CACNA1H: variants seen among roughly 807,000 people sequenced by gnomAD.
The protein encoded by CACNA1H is calcium voltage-gated channel subunit alpha1 H, also known as voltage-dependent T-type calcium channel subunit alpha-1H.
A neutral mutation model predicts 192.5 loss-of-function variants in CACNA1H; 149 were observed. That is an observed-to-expected ratio of 0.77 (90% CI 0.68 to 0.89). CACNA1H has a LOEUF of 0.89. Ranked by LOEUF, CACNA1H falls within the 40% of genes least tolerant of loss-of-function variation. CACNA1H has a pLI of 0.00. For missense variants in CACNA1H, 4,257 were observed against 3,423.5 expected (o/e 1.24, Z -6.08); for synonymous variants, 2,202 against 1,475.2 (o/e 1.49, Z -11.29).
At chr16:1,153,665 G>C in intron 1 of CACNA1H, 55 bp from the exon 2 acceptor site, 2 of 1,091,540 alleles carry the variant, frequency 1.8e-6, no homozygotes, top group South Asian at 9.3e-5. Flanking sequence ...CCGCGCCGCG[G>C]GAGGCAGGGC....
Position 1,205,821 on chromosome 16 carries a change from G to C in CACNA1H, c.2604-283G>C, listed in dbSNP as rs1029609838. ...TCTGGCTGTGGAAGGCCCAGGATAG[G>C]AGAGCGCCCTCGGCGAAGGAGCTTC... On this transcript the variant is annotated intron_variant, in intron 11 of 34. Transcript: ENST00000348261. 2.0e-5 allele frequency among the ~76,000 whole-genome samples: 3 copies of C among 152,190 alleles called. No homozygotes were observed. In the East Asian group the frequency reaches 5.8e-4, roughly 29 times the overall value.
chr16:1,172,889 C>T (rs1964509035), intron 2 of CACNA1H, among the ~76,000 whole-genome samples: 1 of 152,048 alleles, frequency 6.6e-6, no homozygotes. Flanking sequence ...CAGGACAGCC[C>T]CGTGGGGACT....
At chr16:1,187,794 GT>G (rs1195918979) in intron 2 of CACNA1H, among the ~76,000 whole-genome samples, 3 of 152,224 alleles carry the variant, frequency 2.0e-5, no homozygotes, top group African/African-American at 7.2e-5. Flanking sequence ...CTCCCTGGTG[GT>G]CTGAGGAGCT....
At position 1,153,700 on chromosome 16, in the gene CACNA1H, T is replaced by G. The variant is rs2151602626; in HGVS notation, c.-18-20T>G. 1 of 1,183,828 alleles carries G rather than the reference T, an allele frequency of 8.4e-7. No individual in the cohort carries two copies. Among genetic ancestry groups the G allele is most frequent in the Non-Finnish European group, 1.0e-6 (1 of 957,746 alleles). 73.3% of individuals were successfully genotyped at this position (1,183,828 alleles called of 1,614,324 possible). A position where few individuals can be genotyped will look rare whatever the true frequency, so the allele number is the denominator to read the frequency against. On this transcript the variant is annotated intron_variant, in intron 1 of 34. Coordinates refer to ENST00000348261, the MANE Select transcript of CACNA1H (RefSeq NM_021098.3). ...CGGGGGCGTCGCCACCGGCCCCGGG[T>G]CACCCCCTGTCCTCTGCAGGTGCTG...
Position 1,153,743 on chromosome 16 carries a change from C to T in CACNA1H, c.6C>T (p.Thr2=), listed in dbSNP as rs993061665. 4.1e-5 allele frequency: 50 copies of T among 1,209,944 alleles called. No homozygotes were observed. In the Middle Eastern group the frequency reaches 2.0e-3, roughly 47 times the overall value. 75.0% of individuals were successfully genotyped at this position (1,209,944 alleles called of 1,614,324 possible). The part of the protein sequence containing the change: M[T]EGARAADEVR... The stretch of plus-strand genomic sequence containing the variant: ...AGGTGCTGCCGGCCGCCACCATGAC[C>T]GAGGGCGCACGGGCCGCCGACGAGG... The change falls in exon 2 of 35, where the codon ACC becomes ACT. Residue 2 remains threonine (T), a synonymous_variant. Coordinates refer to ENST00000348261, the MANE Select transcript of CACNA1H (RefSeq NM_021098.3).
At chr16:1,193,560 C>T (rs1966799107) in intron 2 of CACNA1H, among the ~76,000 whole-genome samples, 1 of 152,262 alleles carries the variant, frequency 6.6e-6, no homozygotes, top group Admixed American at 6.5e-5. Context: ...GTGGCCTTGC[C>T]CACCTATGGG....
intron 2 of CACNA1H, among the ~76,000 whole-genome samples, chr16:1,163,308 G>A (rs1040162014): frequency 3.9e-5 from 6 of 152,234 alleles, no homozygotes; most frequent in Non-Finnish European, 8.8e-5. Flanking sequence ...GGGCCCAGTT[G>A]GAGCAGGGCC....
intron 14 of CACNA1H, among the ~76,000 whole-genome samples, 153 bp from the exon 15 acceptor site, chr16:1,207,617 T>C (rs1968895486): frequency 6.6e-6 from 1 of 151,966 alleles, no homozygotes; most frequent in Admixed American, 6.5e-5. Flanking sequence ...GAGAGGCAGA[T>C]TCCTCACCTA....
intron 30 of CACNA1H, 34 bp downstream of exon 30, chr16:1,215,627 C>A (rs770974863): frequency 2.5e-6 from 4 of 1,578,068 alleles, no homozygotes; most frequent in East Asian, 2.3e-5. Context: ...CAGCGCAGGC[C>A]CCCGGAAGAC....
At chr16:1,178,878 C>CATCT (rs974840281) in intron 2 of CACNA1H, among the ~76,000 whole-genome samples, 14 of 152,338 alleles carry the variant, frequency 9.2e-5, no homozygotes, top group Admixed American at 3.3e-4. Flanking sequence ...CGAACGGTGG[C>CATCT]ATCTCCCCAG....
At chr16:1,219,670 G>T (rs1203137608) in intron 34 of CACNA1H, among the ~76,000 whole-genome samples, 13 of 152,238 alleles carry the variant, frequency 8.5e-5, no homozygotes, top group Admixed American at 5.9e-4. Context: ...TCCTGGGGGT[G>T]CCCAGCTGGG....
chr16:1,177,170 G>C lies in CACNA1H; in HGVS notation c.300-17802G>C, dbSNP rs181662428. 1.2e-4 allele frequency among the ~76,000 whole-genome samples: 19 copies of C among 152,260 alleles called. No individual in the cohort carries two copies. The East Asian group carries it at 3.7e-3, about 29-fold the overall frequency. The stretch of plus-strand genomic sequence containing the variant: ...CACTGACATTTACAAAGGACATCTC[G>C]GACTCTCGGACCCTTGGATTTCTAA... On this transcript the variant is annotated intron_variant, in intron 2 of 34. Coordinates refer to ENST00000348261, the MANE Select transcript of CACNA1H (RefSeq NM_021098.3).
chr16:1,218,285 G>A lies in CACNA1H; in HGVS notation c.5521G>A (p.Val1841Met), dbSNP rs370975488. The A allele has an allele frequency of 8.5e-5, 132 of 1,553,196 alleles. No homozygotes were observed. The highest frequency in any genetic ancestry group is 3.3e-4 in the African/African-American group (24 of 73,254). The change falls in exon 33 of 35, where the codon GTG becomes ATG. Residue 1841 changes from valine to methionine, a missense_variant. Val to Met is a conservative substitution (Grantham distance 21, BLOSUM62 1). Coordinates refer to ENST00000348261, the MANE Select transcript of CACNA1H (RefSeq NM_021098.3). ...YLPALSPVYFVTFVLVAQFVL... is the reference protein window; with the variant it reads ...YLPALSPVYFMTFVLVAQFVL... The stretch of plus-strand genomic sequence containing the variant: ...GCCGGCCCTGTCGCCCGTCTACTTC[G>A]TGACCTTCGTGCTGGTGGCCCAGTT...
At chr16:1,219,767 G>A (rs182567497) in intron 34 of CACNA1H, among the ~76,000 whole-genome samples, 5 of 139,944 alleles carry the variant, frequency 3.6e-5, no homozygotes, top group Admixed American at 7.3e-5. Flanking sequence ...AGAGCAGCGG[G>A]TACAGGCTTT....
rs1017716807 is a variant in CACNA1H, at chr16:1,212,039, G to A, written c.4660G>A (p.Val1554Met). 3 of 1,613,246 alleles carry A rather than the reference G, an allele frequency of 1.9e-6. No homozygotes were observed. Among genetic ancestry groups the A allele is most frequent in the South Asian group, 1.1e-5 (1 of 91,080 alleles). ...FFVLNMFVGVVVENFHKCRQH... is the reference protein window; with the variant it reads ...FFVLNMFVGVMVENFHKCRQH... ...CGTGCTCAACATGTTCGTGGGCGTC[G>A]TGGTCGAGAACTTCCACAAGTGCCG... The change falls in exon 25 of 35, where the codon GTG becomes ATG. Residue 1554 changes from valine (V) to methionine (M), a missense_variant. Val to Met is a conservative substitution (Grantham distance 21, BLOSUM62 1). Transcript: ENST00000348261.
Position 1,204,188 on chromosome 16 carries a change from CTA to C in CACNA1H, c.2183_2184del (p.Tyr728Ter), listed in dbSNP as rs1233239495. 1 of 1,612,330 alleles carries C rather than the reference CTA, an allele frequency of 6.2e-7. No homozygotes were observed. Among genetic ancestry groups the C allele is most frequent in the Non-Finnish European group, 8.5e-7 (1 of 1,179,712 alleles). ...GTGGAGACTCAGATGGCCGTGGCGT[CTA>C]TGAATTCACGCAGGACGTCCGGCAC... The part of the protein sequence containing the change: ...ESGDSDGRGV[Y>X]EFTQDVRHGD... On this transcript the variant is annotated frameshift_variant, in exon 10 of 35. Coordinates refer to ENST00000348261, the MANE Select transcript of CACNA1H (RefSeq NM_021098.3). LOFTEE classifies it high-confidence loss of function.
rs775833368 is a variant in CACNA1H, at chr16:1,207,052, C to G, written c.2841C>G (p.Thr947=). 1.2e-6 allele frequency: 2 copies of G among 1,602,702 alleles called. No homozygotes were observed. Among genetic ancestry groups the G allele is most frequent in the South Asian group, 2.2e-5 (2 of 89,058 alleles). The change falls in exon 13 of 35, where the codon ACC becomes ACG. Residue 947 remains threonine, a synonymous_variant. Coordinates refer to ENST00000348261, the MANE Select transcript of CACNA1H (RefSeq NM_021098.3). The part of the protein sequence containing the change: ...FGCKFSLKTD[T]GDTVPDRKNF... ...GCAAGTTCAGCCTGAAGACAGACAC[C>G]GGAGACACCGTGCCTGACAGGAAGA...
intron 7 of CACNA1H, 64 bp from the exon 8 acceptor site, chr16:1,200,652 C>T (rs1263416799): frequency 3.2e-6 from 5 of 1,583,556 alleles, no homozygotes; most frequent in South Asian, 2.2e-5. Flanking sequence ...CAGCCCAGAC[C>T]CCAGGGGCAC....
At chr16:1,207,532 G>A (rs947059500) in intron 14 of CACNA1H, 102 bp downstream of exon 14, 17 of 1,290,966 alleles carry the variant, frequency 1.3e-5, no homozygotes, top group South Asian at 5.4e-5. Context: ...AGAGGTGAGG[G>A]ATAGAGAAGG....
Sources: gnomAD v4.1 joint callset for allele counts (sites outside exome capture counted in the v4.1 genomes callset) on GRCh38, gnomAD v4.1.1 for gene constraint, MANE v1.5 for transcripts, NCBI Gene and HGNC (gene_info 2026-07-23, HGNC 2026-07-21) for gene names.